PCDH15: variants seen among roughly 807,000 people sequenced by gnomAD.
PCDH15 encodes the protein protocadherin related 15, also known as protocadherin-15.
PCDH15 carries 129 observed loss-of-function variants against 178.5 expected under a neutral mutation model. That is an observed-to-expected ratio of 0.72 (90% confidence interval 0.63 to 0.84). PCDH15 has a LOEUF of 0.84. PCDH15 is among the 40% of genes least tolerant of loss of function. The pLI is 0.00. For synonymous variants in PCDH15, 800 were observed against 732.0 expected, an observed-to-expected ratio of 1.09 and a Z score of -1.50; for missense variants, 2,230 against 2,099.9, an observed-to-expected ratio of 1.06 and a Z score of -1.21.
chr10:54,265,058 G>C (rs1421719113), intron 8 of PCDH15, among the ~76,000 whole-genome samples: 3 of 152,084 alleles, frequency 2.0e-5, no homozygotes, highest in African/African-American at 7.2e-5. Context: ...AGACTAACTG[G>C]TCTTCTCAGA....
At chr10:54,023,294 C>G (rs2135325620) in intron 18 of PCDH15, 97 bp from the exon 19 acceptor site, 2 of 1,223,146 alleles carry the variant, frequency 1.6e-6, no homozygotes, top group South Asian at 1.3e-5. Context: ...ATTTTTCTAA[C>G]CAAAAATTAT....
At chr10:54,248,474 G>C (rs371409874) in intron 8 of PCDH15, among the ~76,000 whole-genome samples, 1 of 151,922 alleles carries the variant, frequency 6.6e-6, no homozygotes. Flanking sequence ...GTAAAGAGTT[G>C]AAGTGAAATT....
intron 3 of PCDH15, among the ~76,000 whole-genome samples, chr10:54,416,207 T>TC (rs1954353971): frequency 6.6e-6 from 1 of 152,058 alleles, no homozygotes; most frequent in Non-Finnish European, 1.5e-5. Flanking sequence ...GCAGGTTTGT[T>TC]ACAGAAGTAT....
intron 3 of PCDH15, among the ~76,000 whole-genome samples, chr10:54,858,340 G>A (rs766289168): frequency 7.9e-5 from 12 of 151,956 alleles, no homozygotes; most frequent in Non-Finnish European, 1.3e-4. Context: ...ATTCCACGTC[G>A]CTGCTATTGT....
At chr10:53,999,002 G>A (rs1041469691) in intron 20 of PCDH15, among the ~76,000 whole-genome samples, 9 of 146,292 alleles carry the variant, frequency 6.2e-5, no homozygotes, top group Admixed American at 4.2e-4. Context: ...GCAGTGAGCC[G>A]AGATCGCGCC....
intron 20 of PCDH15, among the ~76,000 whole-genome samples, chr10:54,002,964 C>T (rs1256903297): frequency 6.6e-6 from 1 of 152,148 alleles, no homozygotes. Flanking sequence ...AACTGTGCTG[C>T]TGCTCACTCT....
chr10:53,979,251 A>T (rs1015569058), intron 21 of PCDH15, among the ~76,000 whole-genome samples: 2 of 152,204 alleles, frequency 1.3e-5, no homozygotes, highest in South Asian at 4.1e-4. Context: ...AACATACAAG[A>T]CATCCTTCTT....
At chr10:54,880,564 A>G (rs912547227) in intron 3 of PCDH15, among the ~76,000 whole-genome samples, 1 of 151,968 alleles carries the variant, frequency 6.6e-6, no homozygotes. Context: ...GAAAAGCAGT[A>G]AAGTGTAGGA....
intron 3 of PCDH15, among the ~76,000 whole-genome samples, chr10:54,394,957 A>C (rs1175498073): frequency 6.6e-6 from 1 of 152,156 alleles, no homozygotes; most frequent in Non-Finnish European, 1.5e-5. Context: ...TCAGAGTTTA[A>C]GGTTATCTCT....
chr10:54,332,188 A>G (rs1487961113), intron 6 of PCDH15, among the ~76,000 whole-genome samples: 2 of 141,530 alleles, frequency 1.4e-5, no homozygotes, highest in Non-Finnish European at 3.0e-5. Context: ...GATAGATAAT[A>G]AATTACCTTT....
chr10:54,124,122 A>G (rs1285400375), intron 15 of PCDH15, among the ~76,000 whole-genome samples: 1 of 152,218 alleles, frequency 6.6e-6, no homozygotes, highest in Non-Finnish European at 1.5e-5. Flanking sequence ...ACATACCCAT[A>G]TAATAAACGT....
chr10:55,515,301 A>G (rs1180790940), intron 2 of PCDH15, among the ~76,000 whole-genome samples: 2 of 152,068 alleles, frequency 1.3e-5, no homozygotes, highest in East Asian at 3.9e-4. Flanking sequence ...TTGAGTCCCA[A>G]CAGCACCTGA....
At chr10:55,600,738 C>A (rs1843058521) in intron 2 of PCDH15, among the ~76,000 whole-genome samples, 2 of 152,100 alleles carry the variant, frequency 1.3e-5, no homozygotes, top group African/African-American at 2.4e-5. Flanking sequence ...AGTGCCCTTA[C>A]AAGACTAGGA....
chr10:55,514,053 A>G (rs1040989922), intron 2 of PCDH15, among the ~76,000 whole-genome samples: 2 of 152,066 alleles, frequency 1.3e-5, no homozygotes, highest in Admixed American at 1.3e-4. Context: ...AATATTAATA[A>G]GATTTTTTTT....
At chr10:54,921,108 T>A (rs1157928413) in intron 2 of PCDH15, among the ~76,000 whole-genome samples, 1 of 152,146 alleles carries the variant, frequency 6.6e-6, no homozygotes, top group Non-Finnish European at 1.5e-5. Flanking sequence ...TTCACACTTC[T>A]AAGATGTGGT....
At chr10:55,315,666 A>G (rs1016946992) in intron 1 of PCDH15, among the ~76,000 whole-genome samples, 1 of 152,140 alleles carries the variant, frequency 6.6e-6, no homozygotes, top group African/African-American at 2.4e-5. Flanking sequence ...AAAAATGTCC[A>G]TATTTATTCA....
chr10:54,203,301 A>G (rs1380109877), intron 10 of PCDH15, among the ~76,000 whole-genome samples: 1 of 152,212 alleles, frequency 6.6e-6, no homozygotes, highest in African/African-American at 2.4e-5. Flanking sequence ...CTTAGCTAGT[A>G]TTCATAGGTC....
At chr10:54,843,959 T>C (rs570391149) in intron 3 of PCDH15, among the ~76,000 whole-genome samples, 6 of 152,094 alleles carry the variant, frequency 3.9e-5, no homozygotes, top group African/African-American at 1.4e-4. Context: ...TTTATCAAAA[T>C]AGGAAAATAG....
At chr10:54,125,311 A>G (rs1441997832) in intron 15 of PCDH15, among the ~76,000 whole-genome samples, 1 of 152,340 alleles carries the variant, frequency 6.6e-6, no homozygotes, top group African/African-American at 2.4e-5. Context: ...GAATCAAAGC[A>G]TCAGAGCGAG....
Sources: gnomAD v4.1 joint callset for allele counts (sites outside exome capture counted in the v4.1 genomes callset) on GRCh38, gnomAD v4.1.1 for gene constraint, MANE v1.5 for transcripts, NCBI Gene and HGNC (gene_info 2026-07-23, HGNC 2026-07-21) for gene names.